The following C12orf54 variants were observed in gnomAD, a reference collection of about 807,000 sequenced individuals.
C12orf54 encodes the protein uncharacterized protein C12orf54.
In C12orf54, 24 loss-of-function variants were observed where a neutral mutation model predicts 26.4. That is an observed-to-expected ratio of 0.91 (90% confidence interval 0.66 to 1.28). The LOEUF (loss-of-function observed/expected upper bound fraction) is 1.28. Among genes scored for constraint, C12orf54 ranks in the 50% most tolerant of loss-of-function variants. The pLI is 0.00. For synonymous variants in C12orf54, 54 were observed against 47.0 expected (o/e 1.15, Z -0.61); for missense variants, 154 against 150.9 (o/e 1.02, Z -0.11).
At chr12:48,474,226 T>G in the C12orf54 span, among the ~76,000 whole-genome samples, 11 of 152,338 alleles carry the variant, frequency 7.2e-5, no homozygotes, top group South Asian at 2.1e-3. Flanking sequence ...CTACATGTAT[T>G]TCTGTGCTTA....
the C12orf54 span, among the ~76,000 whole-genome samples, chr12:48,433,777 AG>A: frequency 1.3e-5 from 2 of 152,134 alleles, no homozygotes; most frequent in South Asian, 4.1e-4. Context: ...ATTCTTTGCC[AG>A]CGGTGGAGCC....
chr12:48,488,912 G>C lies in C12orf54; in HGVS notation c.136-12G>C. The C allele has an allele frequency of 1.9e-6, 3 of 1,592,480 alleles. No homozygotes were observed. The highest frequency in any genetic ancestry group is 2.6e-6 in the Non-Finnish European group (3 of 1,162,984). Reference sequence around the variant, plus strand: ...ACAATATTATTTTTTCTATATTTTTGTCTTCTGTCAGGTGCTGACAGTTTT... The same window carrying C: ...ACAATATTATTTTTTCTATATTTTTCTCTTCTGTCAGGTGCTGACAGTTTT... On this transcript the variant is annotated splice_polypyrimidine_tract_variant and intron_variant, in intron 4 of 8. Transcript: ENST00000548364.
At chr12:48,449,895 A>G in the C12orf54 span, among the ~76,000 whole-genome samples, 1 of 151,716 alleles carries the variant, frequency 6.6e-6, no homozygotes, top group Non-Finnish European at 1.5e-5. Flanking sequence ...ACCCAGGGGG[A>G]GGTAATTGAG....
chr12:48,447,472 A>G, the C12orf54 span, among the ~76,000 whole-genome samples: 3 of 152,192 alleles, frequency 2.0e-5, no homozygotes, highest in African/African-American at 7.2e-5. Context: ...TGTGCTTTAG[A>G]TAGATTATTC....
the C12orf54 span, chr12:48,473,162 C>T: frequency 2.0e-6 from 3 of 1,532,128 alleles, no homozygotes; most frequent in Non-Finnish European, 2.7e-6. Context: ...TTGTGGAGTG[C>T]CTGGATGACA....
the C12orf54 span, among the ~76,000 whole-genome samples, chr12:48,447,218 G>GTA: frequency 0.036 from 5,228 of 145,920 alleles, 232 homozygotes; most frequent in African/African-American, 0.1. Context: ...TACTCTGTGT[G>GTA]TGTGTGTGTG....
At chr12:48,435,844 C>T in the C12orf54 span, among the ~76,000 whole-genome samples, 5 of 152,132 alleles carry the variant, frequency 3.3e-5, no homozygotes, top group Non-Finnish European at 7.3e-5. Context: ...GAAGAAACTG[C>T]ATCAACTAAC....
At chr12:48,430,468 A>G in the C12orf54 span, among the ~76,000 whole-genome samples, 2 of 152,106 alleles carry the variant, frequency 1.3e-5, no homozygotes, top group Non-Finnish European at 2.9e-5. Flanking sequence ...AAAACAAACA[A>G]TCCCATCAGA....
chr12:48,414,382 C>A, the C12orf54 span, among the ~76,000 whole-genome samples: 2 of 152,198 alleles, frequency 1.3e-5, no homozygotes, highest in African/African-American at 4.8e-5. Context: ...ATCTGGTTTT[C>A]TTTTCCAACC....
the C12orf54 span, among the ~76,000 whole-genome samples, chr12:48,445,029 G>A: frequency 0.14 from 22,022 of 152,090 alleles, 2,813 homozygotes; most frequent in East Asian, 0.66. Flanking sequence ...AAATTAGCCA[G>A]GCGTGGTGGC....
the C12orf54 span, among the ~76,000 whole-genome samples, chr12:48,468,053 A>G: frequency 6.6e-6 from 1 of 152,176 alleles, no homozygotes; most frequent in Non-Finnish European, 1.5e-5. Context: ...TTTCAAATAT[A>G]GTTCTTGGTA....
chr12:48,431,256 G>A, the C12orf54 span, among the ~76,000 whole-genome samples: 1 of 152,224 alleles, frequency 6.6e-6, no homozygotes, highest in South Asian at 2.1e-4. Flanking sequence ...ACTTACTCAT[G>A]TAACCAAACA....
the C12orf54 span, among the ~76,000 whole-genome samples, chr12:48,474,698 C>G: frequency 1.3e-5 from 2 of 152,270 alleles, no homozygotes; most frequent in Non-Finnish European, 2.9e-5. Context: ...GCGGGAGGGG[C>G]GCCCGCCATT....
chr12:48,453,599 T>TACA, the C12orf54 span, among the ~76,000 whole-genome samples: 7 of 18,186 alleles, frequency 3.8e-4, no homozygotes, highest in Admixed American at 1.3e-3. Context: ...ATGTGTATAT[T>TACA]CATGTTCTGA....
the C12orf54 span, among the ~76,000 whole-genome samples, chr12:48,469,302 T>C: frequency 6.6e-6 from 1 of 152,236 alleles, no homozygotes; most frequent in Non-Finnish European, 1.5e-5. Context: ...GCGGCCATTT[T>C]AGGGACTCCC....
the C12orf54 span, among the ~76,000 whole-genome samples, chr12:48,439,977 C>A: frequency 6.6e-6 from 1 of 152,106 alleles, no homozygotes; most frequent in Non-Finnish European, 1.5e-5. Context: ...GTAATCCCAG[C>A]ACCTTGGGAG....
At chr12:48,431,599 T>TA in the C12orf54 span, among the ~76,000 whole-genome samples, 1 of 152,036 alleles carries the variant, frequency 6.6e-6, no homozygotes, top group African/African-American at 2.4e-5. Flanking sequence ...AAATTAGAAA[T>TA]AAAAAATTTT....
chr12:48,472,558 G>A, the C12orf54 span: 271 of 1,338,132 alleles, frequency 2.0e-4, 1 homozygote, highest in African/African-American at 1.2e-3. Context: ...ATTTACTTTC[G>A]GAGAACCCAG....
At position 48,494,945 on chromosome 12, in the gene C12orf54, C is replaced by T; in HGVS notation, c.*6C>T. 6.2e-7 allele frequency: 1 copy of T among 1,612,354 alleles called. No individual in the cohort carries two copies. Reference sequence around the variant, plus strand: ...CTTACTACCCTGGACCCTAACTCTACAATCAAGGAAGAAGGACATCTCTGC... The same window carrying T: ...CTTACTACCCTGGACCCTAACTCTATAATCAAGGAAGAAGGACATCTCTGC... On this transcript the variant is annotated 3_prime_UTR_variant, in exon 8 of 9. Transcript: ENST00000548364.
Sources: allele counts gnomAD v4.1 joint callset (sites outside exome capture counted in the v4.1 genomes callset), GRCh38; gene constraint gnomAD v4.1.1; transcripts MANE v1.5; gene names NCBI Gene and HGNC (gene_info 2026-07-23, HGNC 2026-07-21).